The following ASL variants were observed in gnomAD, a reference collection of about 807,000 sequenced individuals.
The protein encoded by ASL is argininosuccinate lyase.
Under a neutral mutation model 69.1 loss-of-function variants are expected in ASL, and 51 were observed. That is an observed-to-expected ratio of 0.74 (90% CI 0.59 to 0.93). ASL has a LOEUF of 0.93. ASL is among the 40% of genes least tolerant of loss of function. The pLI is 0.00. For missense variants in ASL, 540 were observed against 623.9 expected, an observed-to-expected ratio of 0.87 and a Z score of 1.43; for synonymous variants, 241 against 247.6, an observed-to-expected ratio of 0.97 and a Z score of 0.25.
intron 2 of ASL, among the ~76,000 whole-genome samples, chr7:66,078,647 A>ATTATTT: frequency 6.6e-6 from 1 of 151,724 alleles, no homozygotes; most frequent in African/African-American, 2.4e-5. Flanking sequence ...TATTATTATT[A>ATTATTT]TTTTTAAGAA....
chr7:66,087,542 C>T (rs1367047449), intron 9 of ASL, among the ~76,000 whole-genome samples, 156 bp downstream of exon 9: 1 of 152,130 alleles, frequency 6.6e-6, no homozygotes, highest in African/African-American at 2.4e-5. Context: ...TCAGGGGTCA[C>T]TCATGGCAGG....
rs769055493 is a variant in ASL, at chr7:66,086,824, G to A, written c.602+3G>A. ...ATCAATGTCCTGCCCCTGGGGAGGT[G>A]GGTGAGGCTCCAGTGCCCCGAGGGC... On this transcript the variant is annotated splice_donor_region_variant and intron_variant, in intron 8 of 16. Coordinates refer to ENST00000304874, the MANE Select transcript of ASL (RefSeq NM_000048.4). The A allele has an allele frequency of 1.3e-6, 2 of 1,571,432 alleles. No individual in the cohort carries two copies. Among genetic ancestry groups the A allele is most frequent in the Non-Finnish European group, 1.7e-6 (2 of 1,158,852 alleles).
Position 66,086,837 on chromosome 7 carries a change from G to C in ASL, c.602+16G>C, listed in dbSNP as rs1490372473. The stretch of plus-strand genomic sequence containing the variant: ...CCCTGGGGAGGTGGGTGAGGCTCCA[G>C]TGCCCCGAGGGCCTGGTGGGGGTGG... On this transcript the variant is annotated intron_variant, in intron 8 of 16. Coordinates refer to ENST00000304874, the MANE Select transcript of ASL (RefSeq NM_000048.4). 1.9e-6 allele frequency: 3 copies of C among 1,561,910 alleles called. No individual in the cohort carries two copies. In the South Asian group the frequency reaches 3.5e-5, roughly 18 times the overall value.
chr7:66,092,729 T>G (rs1338381910), intron 16 of ASL, 39 bp from the exon 17 acceptor site: 1 of 1,613,394 alleles, frequency 6.2e-7, no homozygotes, highest in Non-Finnish European at 8.5e-7. Flanking sequence ...GAGCCCAGGG[T>G]GGCCTGGCGC....
intron 4 of ASL, 94 bp from the exon 5 acceptor site, chr7:66,082,786 G>T: frequency 6.8e-7 from 1 of 1,469,712 alleles, no homozygotes; most frequent in Non-Finnish European, 9.4e-7. Flanking sequence ...GGGGTATGGA[G>T]GTAGGTTGGC....
chr7:66,089,529 T>A, intron 13 of ASL, 83 bp from the exon 14 acceptor site: 2 of 1,391,996 alleles, frequency 1.4e-6, no homozygotes, highest in Non-Finnish European at 1.0e-6. Context: ...GCAGTGGGGA[T>A]GCCTCAGTGG....
chr7:66,082,337 C>G (rs1458736569), intron 3 of ASL, 31 bp from the exon 4 acceptor site: 1 of 1,593,062 alleles, frequency 6.3e-7, no homozygotes, highest in South Asian at 1.1e-5. Context: ...GCCTGCTCAC[C>G]TGACCCCGGC....
chr7:66,077,999 G>A (rs1029417220), intron 2 of ASL, among the ~76,000 whole-genome samples: 2 of 152,178 alleles, frequency 1.3e-5, no homozygotes, highest in African/African-American at 4.8e-5. Flanking sequence ...ATAGGAGTTT[G>A]GTTCTAGAGC....
chr7:66,084,185 G>A (rs572119462), intron 6 of ASL, among the ~76,000 whole-genome samples: 1 of 151,242 alleles, frequency 6.6e-6, no homozygotes, highest in Non-Finnish European at 1.5e-5. Context: ...TTTGAGACAG[G>A]GTTTTGCTCT....
Position 66,089,148 on chromosome 7 carries a change from G to T in ASL, c.891G>T (p.Arg297=), listed in dbSNP as rs1377192458. 1 of 1,613,968 alleles carries T rather than the reference G, an allele frequency of 6.2e-7. No homozygotes were observed. Residue 297 remains arginine (R), a synonymous_variant, in exon 12 of 17, where the codon CGG becomes CGT. Coordinates refer to ENST00000304874, the MANE Select transcript of ASL (RefSeq NM_000048.4). The part of the protein sequence containing the change: ...KKNPDSLELI[R]SKAGRVFGRC... ...ACCCCGACAGTTTGGAGCTGATCCG[G>T]AGCAAGGCTGGGCGTGTGTTTGGGC...
intron 2 of ASL, among the ~76,000 whole-genome samples, chr7:66,079,166 C>G (rs1786433465): frequency 6.6e-6 from 1 of 152,144 alleles, no homozygotes. Context: ...ATCTGCCCAC[C>G]TCAGCCTCCC....
intron 15 of ASL, 42 bp from the exon 16 acceptor site, chr7:66,092,515 G>A: frequency 2.6e-6 from 4 of 1,566,618 alleles, no homozygotes; most frequent in Non-Finnish European, 3.5e-6. Context: ...ATCAGGGCAT[G>A]GAGAAACCTG....
At position 66,093,009 on chromosome 7, in the gene ASL, G is replaced by T. The variant is rs1786900783; in HGVS notation, c.*97G>T. On this transcript the variant is annotated 3_prime_UTR_variant, in exon 17 of 17. Coordinates refer to ENST00000304874, the MANE Select transcript of ASL (RefSeq NM_000048.4). Reference sequence around the variant, plus strand: ...GCTCCCTCGTTGCTGGGCTTTCGGGGCTGGCCAGTGGGGACAGTCAGGGAC... The same window carrying T: ...GCTCCCTCGTTGCTGGGCTTTCGGGTCTGGCCAGTGGGGACAGTCAGGGAC... 1.3e-6 allele frequency: 2 copies of T among 1,527,416 alleles called. No individual in the cohort carries two copies. Among genetic ancestry groups the T allele is most frequent in the South Asian group, 1.2e-5 (1 of 83,958 alleles). 94.6% of individuals were successfully genotyped at this position (1,527,416 alleles called of 1,614,324 possible).
chr7:66,085,754 G>A (rs907633021), intron 6 of ASL, among the ~76,000 whole-genome samples: 5 of 151,854 alleles, frequency 3.3e-5, no homozygotes, highest in African/African-American at 7.3e-5. Flanking sequence ...AACTACAGGC[G>A]CCCACCACTA....
intron 10 of ASL, 35 bp downstream of exon 10, chr7:66,087,826 C>T (rs901632200): frequency 6.2e-7 from 1 of 1,613,124 alleles, no homozygotes; most frequent in African/African-American, 1.3e-5. Context: ...TGCCCTGTGC[C>T]TCACTTTAGT....
At chr7:66,089,840 G>A in intron 14 of ASL, 145 bp downstream of exon 14, 1 of 900,128 alleles carries the variant, frequency 1.1e-6, no homozygotes. Flanking sequence ...TGCTCCTGGG[G>A]AACAGGGAAA....
chr7:66,090,942 AT>A (rs1307353625), intron 14 of ASL, among the ~76,000 whole-genome samples: 5 of 152,050 alleles, frequency 3.3e-5, no homozygotes, highest in African/African-American at 1.2e-4. Flanking sequence ...TACTAAAAAT[AT>A]AAAAATTAGC....
rs1354898778 is a variant in ASL, at chr7:66,081,846, C to G, written c.56C>G (p.Pro19Arg). 6.2e-7 allele frequency: 1 copy of G among 1,613,980 alleles called. No homozygotes were observed. The highest frequency in any genetic ancestry group is 1.7e-5 in the Admixed American group (1 of 59,998). Residue 19 changes from proline to arginine, a missense_variant, in exon 3 of 17, where the codon CCC (proline) becomes CGC (arginine). Transcript: ENST00000304874. ...GGCCGGTTTGTGGGTGCAGTGGACC[C>G]CATCATGGAGAAGTTCAACGCGTCC... ...WGGRFVGAVDPIMEKFNASIA... is the reference protein window; with the variant it reads ...WGGRFVGAVDRIMEKFNASIA...
rs200203985 is a variant in ASL at position 66,087,394 on chromosome 7, G to T, written c.655+8G>T. ...GAGAGCTGCTCCGAGCAGGTGAGAC[G>T]TCCTGCCCCTCCTCCCCAGGGAGAA... On this transcript the variant is annotated splice_region_variant and intron_variant, in intron 9 of 16. Coordinates refer to ENST00000304874, the MANE Select transcript of ASL (RefSeq NM_000048.4). 2 of 1,606,830 alleles carry T rather than the reference G, an allele frequency of 1.2e-6. No individual in the cohort carries two copies. The highest frequency in any genetic ancestry group is 3.3e-5 in the Admixed American group (2 of 59,952).
Sources: gnomAD v4.1 joint callset for allele counts (sites outside exome capture counted in the v4.1 genomes callset) on GRCh38, gnomAD v4.1.1 for gene constraint, MANE v1.5 for transcripts, NCBI Gene and HGNC (gene_info 2026-07-23, HGNC 2026-07-21) for gene names.